The following NF2 variants were observed in gnomAD, a reference collection of about 807,000 sequenced individuals.
The protein encoded by NF2 is NF2, moesin-ezrin-radixin like (MERLIN) tumor suppressor.
NF2 carries 8 observed loss-of-function variants against 83.7 expected under a neutral mutation model. That is an observed-to-expected ratio of 0.10 (90% CI 0.06 to 0.17). The LOEUF (loss-of-function observed/expected upper bound fraction) is 0.17. Among genes scored for constraint, NF2 ranks in the 10% least tolerant of loss-of-function variants. The pLI is 1.00. For synonymous variants in NF2, 266 were observed against 269.6 expected, an observed-to-expected ratio of 0.99 and a Z score of 0.13; for missense variants, 533 against 744.4, an observed-to-expected ratio of 0.72 and a Z score of 3.31.
At chr22:29,614,485 G>A (rs2065032719) in intron 1 of NF2, among the ~76,000 whole-genome samples, 2 of 152,052 alleles carry the variant, frequency 1.3e-5, no homozygotes, top group Admixed American at 6.5e-5. Flanking sequence ...AGGAGGCTGA[G>A]GCAGGAGAAT....
intron 1 of NF2, among the ~76,000 whole-genome samples, chr22:29,631,145 T>C (rs1204479459): frequency 6.6e-6 from 1 of 152,166 alleles, no homozygotes; most frequent in African/African-American, 2.4e-5. Flanking sequence ...GCATTGAACA[T>C]TCAGTACTGC....
chr22:29,604,201 G>C (rs1440950671), intron 1 of NF2, 89 bp downstream of exon 1: 5 of 1,092,436 alleles, frequency 4.6e-6, no homozygotes, highest in South Asian at 2.7e-5. Context: ...GGTGTAGCTA[G>C]AGACGGGCAG....
At chr22:29,672,310 T>TC (rs1396614143) in intron 11 of NF2, among the ~76,000 whole-genome samples, 6 of 65,586 alleles carry the variant, frequency 9.1e-5, no homozygotes, top group Non-Finnish European at 2.3e-4. Context: ...CACATGTCTC[T>TC]TTTTTTTTTT....
chr22:29,610,989 A>C (rs142497397), intron 1 of NF2, among the ~76,000 whole-genome samples: 203 of 152,378 alleles, frequency 1.3e-3, no homozygotes, highest in African/African-American at 4.6e-3. Flanking sequence ...AGCAGGATTT[A>C]TTCCAGGAGT....
At position 29,694,657 on chromosome 22, in the gene NF2, G is replaced by T; in HGVS notation, c.1738-95G>T. The T allele has an allele frequency of 7.5e-7, 1 of 1,338,992 alleles. No individual in the cohort carries two copies. Among genetic ancestry groups the T allele is most frequent in the South Asian group, 1.2e-5 (1 of 80,930 alleles). The allele number at this position is 1,338,992 out of a possible 1,614,324, so 82.9% of individuals were successfully genotyped here. ...TGAACAGCCTTCCCTTTCGCTCCCA[G>T]CCACCTTTGAGGTGAGTCCAAGTGG... On this transcript the variant is annotated intron_variant, in intron 15 of 15. Transcript: ENST00000338641. This position sits in a 1 kb window ranked among gnomAD's most constrained non-coding sequence, Gnocchi z 4.1.
At chr22:29,637,035 T>G in intron 2 of NF2, 159 bp downstream of exon 2, 1 of 1,087,926 alleles carries the variant, frequency 9.2e-7, no homozygotes, top group Non-Finnish European at 1.4e-6. Context: ...GTAGAGATGC[T>G]ACCAGTTTCC....
chr22:29,663,428 A>G (rs982167855), intron 8 of NF2, among the ~76,000 whole-genome samples: 1 of 152,246 alleles, frequency 6.6e-6, no homozygotes, highest in African/African-American at 2.4e-5. Flanking sequence ...CTGACTTGAC[A>G]TAAAAGAAGT....
intron 14 of NF2, among the ~76,000 whole-genome samples, chr22:29,680,731 G>A (rs16987928): frequency 0.094 from 14,300 of 152,198 alleles, 1,040 homozygotes; most frequent in East Asian, 0.37. Flanking sequence ...GAACAAGTGG[G>A]AATGTGGATG....
chr22:29,660,373 TGAAA>T (rs2066442313), intron 7 of NF2, among the ~76,000 whole-genome samples: 1 of 152,210 alleles, frequency 6.6e-6, no homozygotes, highest in Non-Finnish European at 1.5e-5. Flanking sequence ...ACAGGAAAAC[TGAAA>T]GAATTTTTCA....
chr22:29,689,775 C>T (rs1286329210), intron 15 of NF2, among the ~76,000 whole-genome samples: 2 of 152,186 alleles, frequency 1.3e-5, no homozygotes, highest in Non-Finnish European at 2.9e-5. Context: ...CTGTGTCTCC[C>T]CCAACCTTCC....
chr22:29,613,319 C>T (rs1471764362), intron 1 of NF2, among the ~76,000 whole-genome samples: 1 of 152,150 alleles, frequency 6.6e-6, no homozygotes, highest in Non-Finnish European at 1.5e-5. Flanking sequence ...CACTTGAGGA[C>T]AGGAGTTCGA....
At position 29,661,312 on chromosome 22, in the gene NF2, C is replaced by T. The variant is rs765223726; in HGVS notation, c.783C>T (p.Ile261=). 88 of 1,614,056 alleles carry T rather than the reference C, an allele frequency of 5.5e-5. No homozygotes were observed. The highest frequency in any genetic ancestry group is 1.3e-4 in the Admixed American group (8 of 60,006). ...AGATCTCCTTCCCGTGGAATGAAAT[C>T]CGAAACATCTCGTACAGTGACAAGG... ...TPKISFPWNE[I]RNISYSDKEF... is the part of the protein sequence containing the mutation. The change falls in exon 8 of 16, where the codon ATC becomes ATT. Residue 261 remains isoleucine, a synonymous_variant. Transcript: ENST00000338641.
intron 7 of NF2, among the ~76,000 whole-genome samples, chr22:29,659,354 T>A (rs986855818): frequency 1.6e-4 from 25 of 152,198 alleles, no homozygotes; most frequent in African/African-American, 5.1e-4. Flanking sequence ...TTAAAAATCT[T>A]TTTTGTTTTT....
Position 29,636,557 on chromosome 22 carries a change from C to G in NF2, c.115-194C>G, listed in dbSNP as rs2065651831. ...TGTGTATGCTTTGCAGTGATTAAGC[C>G]ATTAAGCTCTAATTGGTATTTTCCC... On this transcript the variant is annotated intron_variant, in intron 1 of 15. Transcript: ENST00000338641. The surrounding 1 kb of genome is among the most constrained non-coding windows in gnomAD (Gnocchi z 4.4). Among the ~76,000 whole-genome samples the G allele has an allele frequency of 6.6e-6, 1 of 152,176 alleles. No individual in the cohort carries two copies. Among genetic ancestry groups the G allele is most frequent in the Non-Finnish European group, 1.5e-5 (1 of 68,036 alleles).
At chr22:29,681,332 G>A (rs1467302031) in intron 14 of NF2, 107 bp from the exon 15 acceptor site, 2 of 1,382,040 alleles carry the variant, frequency 1.4e-6, no homozygotes, top group African/African-American at 1.4e-5. Flanking sequence ...TGAACCCCAG[G>A]CCTCAAACCC....
intron 8 of NF2, among the ~76,000 whole-genome samples, chr22:29,663,011 T>C (rs2066521243): frequency 6.6e-6 from 1 of 152,242 alleles, no homozygotes; most frequent in Non-Finnish European, 1.5e-5. Context: ...AGGCCCCTGG[T>C]TTCCAGTATA....
At chr22:29,689,045 G>A (rs1273984472) in intron 15 of NF2, among the ~76,000 whole-genome samples, 1 of 152,080 alleles carries the variant, frequency 6.6e-6, no homozygotes, top group African/African-American at 2.4e-5. Context: ...TGGGCGTGGT[G>A]GCATGCGCCT....
chr22:29,682,810 C>T (rs1234958966), intron 15 of NF2, among the ~76,000 whole-genome samples: 2 of 152,138 alleles, frequency 1.3e-5, no homozygotes, highest in African/African-American at 4.8e-5. Flanking sequence ...ACAGTCTCAC[C>T]ATTTCCACTG....
intron 10 of NF2, among the ~76,000 whole-genome samples, chr22:29,669,813 C>A (rs1944687497): frequency 6.6e-6 from 1 of 152,182 alleles, no homozygotes; most frequent in Non-Finnish European, 1.5e-5. Flanking sequence ...AATGACTTAC[C>A]TTCCAGACCT....
Sources: allele counts gnomAD v4.1 joint callset (sites outside exome capture counted in the v4.1 genomes callset), GRCh38; gene constraint gnomAD v4.1.1; non-coding constraint Gnocchi (gnomAD v3.1); transcripts MANE v1.5; gene names NCBI Gene and HGNC (gene_info 2026-07-23, HGNC 2026-07-21).